CACNB2: variants seen among roughly 807,000 people sequenced by gnomAD.
The protein encoded by CACNB2 is voltage-dependent L-type calcium channel subunit beta-2.
CACNB2 carries 42 observed loss-of-function variants against 73.3 expected under a neutral mutation model. That is an observed-to-expected ratio of 0.57 (90% CI 0.45 to 0.74). The LOEUF is 0.74. Among genes scored for constraint, CACNB2 ranks in the 30% least tolerant of loss-of-function variants. The pLI, the probability that CACNB2 is intolerant of heterozygous loss-of-function variation, is 0.00. For synonymous variants in CACNB2, 348 were observed against 310.3 expected (o/e 1.12, Z -1.28); for missense variants, 940 against 853.0 (o/e 1.10, Z -1.27).
rs71402158 is a variant in CACNB2, at chr10:18,356,942, C to CTTTTTTTTTTTTTTTTTTTTT, written c.214-44962_214-44961insTTTTTTTTTTTTTTTTTTTTT. ...ACTGTGCCTGGCCCAGACTCAATTTCTTTTTTTTTTTTTTTTTTTTGAGAC... is the reference window on the plus strand; with the variant it reads ...ACTGTGCCTGGCCCAGACTCAATTTCTTTTTTTTTTTTTTTTTTTTTTTTTTTTTTTTTTTTTTTTTGAGAC... On this transcript the variant is annotated intron_variant, in intron 2 of 13. Coordinates refer to ENST00000324631, the MANE Select transcript of CACNB2 (RefSeq NM_201596.3). Among the ~76,000 whole-genome samples, 4 of 101,104 alleles carry CTTTTTTTTTTTTTTTTTTTTT rather than the reference C, an allele frequency of 4.0e-5. 1 individual carries two copies. The highest frequency in any genetic ancestry group is 8.1e-5 in the Non-Finnish European group (4 of 49,184). 66.3% of individuals were successfully genotyped at this position (101,104 alleles called of 152,430 possible). A position where few individuals can be genotyped will look rare whatever the true frequency, so the allele number is the denominator to read the frequency against.
intron 2 of CACNB2, among the ~76,000 whole-genome samples, chr10:18,373,053 C>T (rs986366045): frequency 3.3e-5 from 5 of 152,014 alleles, no homozygotes; most frequent in East Asian, 2.0e-4. Flanking sequence ...TGGCCTCAAG[C>T]GATTCTCCCA....
At chr10:18,413,018 T>A (rs1203960249) in intron 3 of CACNB2, among the ~76,000 whole-genome samples, 4 of 151,984 alleles carry the variant, frequency 2.6e-5, no homozygotes, top group African/African-American at 9.6e-5. Context: ...TTACCCAGGC[T>A]AGATTGCAGT....
intron 2 of CACNB2, among the ~76,000 whole-genome samples, chr10:18,383,868 G>A (rs2132391922): frequency 6.6e-6 from 1 of 152,176 alleles, no homozygotes; most frequent in South Asian, 2.1e-4. Flanking sequence ...ACCACGCCCG[G>A]CTAATTTTTG....
intron 2 of CACNB2, among the ~76,000 whole-genome samples, chr10:18,184,446 A>G (rs932297258): frequency 6.6e-6 from 1 of 152,184 alleles, no homozygotes; most frequent in Non-Finnish European, 1.5e-5. Context: ...TATTATTAAC[A>G]TCTTGTATAA....
chr10:18,269,430 C>A (rs958064419), intron 2 of CACNB2, among the ~76,000 whole-genome samples: 2 of 152,116 alleles, frequency 1.3e-5, no homozygotes, highest in Admixed American at 6.5e-5. Context: ...AATGTCTTGC[C>A]ATATTGCTAT....
intron 2 of CACNB2, among the ~76,000 whole-genome samples, chr10:18,341,945 A>T (rs1011771762): frequency 3.3e-5 from 5 of 152,302 alleles, no homozygotes; most frequent in Admixed American, 3.3e-4. Context: ...GTTGGCCCTC[A>T]TTAAGTATTG....
intron 10 of CACNB2, 83 bp downstream of exon 10, chr10:18,527,780 C>G (rs1238878618): frequency 1.0e-5 from 9 of 884,902 alleles, no homozygotes; most frequent in African/African-American, 1.6e-5. Context: ...GATGATAATT[C>G]CATGTGTCAC....
In CACNB2 at chr10:18,533,970, T is replaced by C. The variant is rs1025267727; in HGVS notation, c.1055-106T>C. On this transcript the variant is annotated intron_variant, in intron 10 of 13. Transcript: ENST00000324631. ...TTATCAATTCTATTGCCTGTAAGCATTAACATAATGGCTGACCTACTCACC... is the reference window on the plus strand; with the variant it reads ...TTATCAATTCTATTGCCTGTAAGCACTAACATAATGGCTGACCTACTCACC... The C allele has an allele frequency of 6.7e-6, 7 of 1,040,694 alleles. No individual in the cohort carries two copies. The African/African-American group carries it at 1.1e-4, about 16-fold the overall frequency. The allele number at this position is 1,040,694 out of a possible 1,614,324, so 64.5% of individuals were successfully genotyped here.
At chr10:18,299,802 A>C (rs11013425) in intron 2 of CACNB2, among the ~76,000 whole-genome samples, 3,604 of 152,250 alleles carry the variant, frequency 0.024, 137 homozygotes, top group African/African-American at 0.083. Flanking sequence ...GAATCATAAG[A>C]ATGCAAAGAA....
intron 2 of CACNB2, among the ~76,000 whole-genome samples, chr10:18,308,274 G>T (rs140664755): frequency 1.2e-4 from 18 of 152,164 alleles, no homozygotes; most frequent in African/African-American, 4.1e-4. Context: ...GATTATAGGC[G>T]TGAACCACCA....
chr10:18,154,658 G>C (rs1218377338), intron 2 of CACNB2, among the ~76,000 whole-genome samples: 1 of 152,164 alleles, frequency 6.6e-6, no homozygotes, highest in African/African-American at 2.4e-5. Flanking sequence ...AGTAGAGACA[G>C]GGTTTCGCCA....
rs1334537789 is a variant in CACNB2 at position 18,539,738 on chromosome 10, GTGT to G, written c.*16_*18del. ...ATCCGCCAATGAGTTTTGCCCGTTTGTGTTTTTTTTTTTTTTTTTTTGAAGTCT... is the reference window on the plus strand; with the variant it reads ...ATCCGCCAATGAGTTTTGCCCGTTTGTTTTTTTTTTTTTTTTTTGAAGTCT... On this transcript the variant is annotated 3_prime_UTR_variant, in exon 14 of 14. Transcript: ENST00000324631. The G allele has an allele frequency of 3.3e-6, 5 of 1,509,782 alleles. No individual in the cohort carries two copies. The highest frequency in any genetic ancestry group is 1.2e-5 in the South Asian group (1 of 80,584). 93.5% of individuals were successfully genotyped at this position (1,509,782 alleles called of 1,614,324 possible). A position where few individuals can be genotyped will look rare whatever the true frequency, so the allele number is the denominator to read the frequency against.
rs148058457 is a variant in CACNB2, at chr10:18,417,299, G to T, written c.333+15256G>T. Among the ~76,000 whole-genome samples the T allele has an allele frequency of 4.1e-3, 610 of 148,354 alleles. 2 individuals are homozygous for T. The highest frequency in any genetic ancestry group is 0.014 in the African/African-American group (567 of 40,152). ...AGTTTATTGTCATTACACCATTGATGTGAAACAAGTCAATTTTTACACTTC... is the reference window on the plus strand; with the variant it reads ...AGTTTATTGTCATTACACCATTGATTTGAAACAAGTCAATTTTTACACTTC... On this transcript the variant is annotated intron_variant, in intron 3 of 13. Transcript: ENST00000324631.
chr10:18,390,482 G>A (rs757487520), intron 2 of CACNB2, among the ~76,000 whole-genome samples: 12 of 152,232 alleles, frequency 7.9e-5, no homozygotes, highest in Non-Finnish European at 1.6e-4. Flanking sequence ...AAAGTGCTGG[G>A]ATTACAGGCA....
At chr10:18,393,187 T>TGA (rs2043561615) in intron 2 of CACNB2, among the ~76,000 whole-genome samples, 1 of 150,342 alleles carries the variant, frequency 6.7e-6, no homozygotes, top group Non-Finnish European at 1.5e-5. Flanking sequence ...CCAGCCTGGA[T>TGA]GACTCCATGT....
intron 3 of CACNB2, among the ~76,000 whole-genome samples, chr10:18,442,628 C>A (rs901870822): frequency 6.6e-6 from 1 of 151,102 alleles, no homozygotes; most frequent in Admixed American, 6.6e-5. Context: ...ATATCAAGAC[C>A]ATCCTGGCCA....
chr10:18,174,255 C>A (rs1286411834), intron 2 of CACNB2, among the ~76,000 whole-genome samples: 1 of 132,398 alleles, frequency 7.6e-6, no homozygotes, highest in African/African-American at 2.9e-5. Flanking sequence ...CTCCCCTTCC[C>A]TTCCCTCCCT....
chr10:18,181,226 T>A (rs1247627792), intron 2 of CACNB2, among the ~76,000 whole-genome samples: 3 of 152,144 alleles, frequency 2.0e-5, no homozygotes, highest in Non-Finnish European at 1.5e-5. Flanking sequence ...CTTACCTAGA[T>A]CCCTACTTTC....
At chr10:18,393,972 C>T (rs879637259) in intron 2 of CACNB2, among the ~76,000 whole-genome samples, 1 of 152,146 alleles carries the variant, frequency 6.6e-6, no homozygotes, top group Non-Finnish European at 1.5e-5. Flanking sequence ...GTAGGAGTCT[C>T]ACTCTGTTGC....
Sources: allele counts gnomAD v4.1 joint callset (sites outside exome capture counted in the v4.1 genomes callset), GRCh38; gene constraint gnomAD v4.1.1; transcripts MANE v1.5; gene names NCBI Gene and HGNC (gene_info 2026-07-23, HGNC 2026-07-21).